The following AKAP13 variants were observed in gnomAD, a reference collection of about 807,000 sequenced individuals.
AKAP13 encodes the protein A-kinase anchoring protein 13, also known as A-kinase anchor protein 13.
AKAP13 carries 80 observed loss-of-function variants against 264.5 expected under a neutral mutation model. The ratio of observed to expected loss-of-function variants is 0.30; its 90% confidence interval spans 0.25 to 0.36. The LOEUF (loss-of-function observed/expected upper bound fraction) is 0.36, where lower values mean the gene tolerates loss of function less well. Among genes scored for constraint, AKAP13 ranks in the 10% least tolerant of loss-of-function variants. The pLI is 1.00. For synonymous variants in AKAP13, 1,380 were observed against 1,250.2 expected, an observed-to-expected ratio of 1.10 and a Z score of -2.19; for missense variants, 3,712 against 3,435.2, an observed-to-expected ratio of 1.08 and a Z score of -2.01.
chr15:85,645,079 C>T (rs2082492660), intron 9 of AKAP13, among the ~76,000 whole-genome samples: 1 of 152,190 alleles, frequency 6.6e-6, no homozygotes, highest in African/African-American at 2.4e-5. Flanking sequence ...GAGATCATGT[C>T]ACCGTAGTAC....
chr15:85,667,827 A>T (rs2083686745), intron 13 of AKAP13, among the ~76,000 whole-genome samples: 1 of 152,194 alleles, frequency 6.6e-6, no homozygotes, highest in East Asian at 1.9e-4. Flanking sequence ...AATATTATTT[A>T]TGTGATACCT....
At chr15:85,721,942 T>C (rs1242253314) in intron 23 of AKAP13, 49 bp from the exon 24 acceptor site, 2 of 1,607,664 alleles carry the variant, frequency 1.2e-6, no homozygotes, top group Non-Finnish European at 8.5e-7. Context: ...AAAATGGTAT[T>C]ATGAGTTTGG....
At chr15:85,401,020 C>A (rs560849397) in intron 1 of AKAP13, among the ~76,000 whole-genome samples, 65 of 152,064 alleles carry the variant, frequency 4.3e-4, no homozygotes, top group African/African-American at 1.5e-3. Flanking sequence ...TGTCACCATG[C>A]CTGGCTTATT....
Position 85,514,671 on chromosome 15 carries a change from A to G in AKAP13, c.34-6757A>G, listed in dbSNP as rs149490605. On this transcript the variant is annotated intron_variant, in intron 2 of 36. Transcript: ENST00000394518. ...CCATGAGTTGCCAAGTTAAAATGCC[A>G]TGACTTTGCCTTTTAGCCTATGGAA... is the stretch of plus-strand genomic sequence containing the variant. Among the ~76,000 whole-genome samples the G allele has an allele frequency of 8.0e-4, 110 of 138,292 alleles. 15 individuals are homozygous for G. Among genetic ancestry groups the G allele is most frequent in the Non-Finnish European group, 9.6e-4 (62 of 64,696 alleles). 90.7% of individuals were successfully genotyped at this position (138,292 alleles called of 152,430 possible). A position where few individuals can be genotyped will look rare whatever the true frequency, so the allele number is the denominator to read the frequency against.
At chr15:85,434,194 C>G (rs1379217621) in intron 1 of AKAP13, among the ~76,000 whole-genome samples, 1 of 152,048 alleles carries the variant, frequency 6.6e-6, no homozygotes, top group Non-Finnish European at 1.5e-5. Flanking sequence ...CTTTCCGAGT[C>G]AAAGAAAGGG....
In AKAP13 at chr15:85,744,669, T is replaced by G. The variant is rs1597256132; in HGVS notation, c.8434T>G (p.Phe2812Val). 5 of 1,609,154 alleles carry G rather than the reference T, an allele frequency of 3.1e-6. No individual in the cohort carries two copies. The highest frequency in any genetic ancestry group is 8.5e-7 in the Non-Finnish European group (1 of 1,177,906). The change falls in exon 37 of 37, where the codon TTC (phenylalanine) becomes GTC (valine). Residue 2812 changes from phenylalanine to valine, a missense_variant. Coordinates refer to ENST00000394518, the MANE Select transcript of AKAP13 (RefSeq NM_007200.5). The part of the protein sequence containing the change: ...SEVSAEGEEI[F>V]C ...AGTATCAGCAGAGGGTGAAGAGATC[T>G]TCTGCTGACCCTCTTCCTCTCTGCT...
At chr15:85,722,693 CTT>C (rs1373398643) in intron 25 of AKAP13, among the ~76,000 whole-genome samples, 1 of 151,844 alleles carries the variant, frequency 6.6e-6, no homozygotes, top group African/African-American at 2.4e-5. Flanking sequence ...GTTTCTCTCT[CTT>C]GGCTAATTCT....
At chr15:85,403,847 CAAA>C (rs11342591) in intron 1 of AKAP13, among the ~76,000 whole-genome samples, 15 of 128,258 alleles carry the variant, frequency 1.2e-4, no homozygotes, top group Admixed American at 1.5e-4. Flanking sequence ...AAACTCCTCT[CAAA>C]AAAAAAAAAA....
In AKAP13 at chr15:85,449,288, A is replaced by G. The variant is rs961009034; in HGVS notation, c.-11-36422A>G. 5.9e-5 allele frequency among the ~76,000 whole-genome samples: 9 copies of G among 152,262 alleles called. No homozygotes were observed. The East Asian group carries it at 1.5e-3, about 26-fold the overall frequency. ...TGTACATTGATTTTTATATCCTGCA[A>G]CTTTGCTGAAGTTGTTTATCAGCTG... On this transcript the variant is annotated intron_variant, in intron 1 of 36. Transcript: ENST00000394518.
At chr15:85,404,587 T>A (rs533386186) in intron 1 of AKAP13, among the ~76,000 whole-genome samples, 2 of 152,360 alleles carry the variant, frequency 1.3e-5, no homozygotes, top group South Asian at 4.1e-4. Flanking sequence ...GAAGGATGTT[T>A]CCTACATAAA....
intron 12 of AKAP13, chr15:85,662,406 T>C (rs751246429): frequency 1.2e-6 from 2 of 1,614,050 alleles, no homozygotes; most frequent in East Asian, 2.2e-5. Flanking sequence ...GGTGCCCCTC[T>C]GGTGTGCAGT....
At chr15:85,567,077 A>G (rs984273524) in intron 5 of AKAP13, among the ~76,000 whole-genome samples, 3 of 152,138 alleles carry the variant, frequency 2.0e-5, no homozygotes, top group African/African-American at 7.2e-5. Flanking sequence ...TGTAACTTTT[A>G]AAATATTTGT....
At position 85,645,947 on chromosome 15, in the gene AKAP13, T is replaced by G; in HGVS notation, c.4367T>G (p.Phe1456Cys). Residue 1456 changes from phenylalanine (F) to cysteine (C), a missense_variant, in exon 10 of 37, where the codon TTC becomes TGC. Physicochemically the swap from Phe to Cys is radical, Grantham distance 205 (BLOSUM62 -2). Transcript: ENST00000394518. ...SPSDDMDSIIFPKPEEEHLAC... is the reference protein window; with the variant it reads ...SPSDDMDSIICPKPEEEHLAC... ...AGTGATGACATGGACAGCATCATCT[T>G]CCCAAAGGTACTGTGTGGACCTTCC... 6.2e-7 allele frequency: 1 copy of G among 1,613,320 alleles called. No individual in the cohort carries two copies. The highest frequency in any genetic ancestry group is 1.1e-5 in the South Asian group (1 of 90,918).
At chr15:85,678,142 A>G (rs914024672) in intron 14 of AKAP13, among the ~76,000 whole-genome samples, 4 of 152,242 alleles carry the variant, frequency 2.6e-5, no homozygotes, top group Admixed American at 6.5e-5. Flanking sequence ...ACAGTCTTCA[A>G]TTGTGCAAGA....
In AKAP13 at chr15:85,533,591, T is replaced by C. The variant is rs775156797; in HGVS notation, c.189T>C (p.Asp63=). The C allele has an allele frequency of 3.7e-6, 6 of 1,607,138 alleles. 1 individual carries two copies. The African/African-American group carries it at 6.7e-5, about 18-fold the overall frequency. ...TGCCTGTGTTTCCTTTAGGTCATGA[T>C]TGTTGTGAAACAGTGAAGGTGCAGC... The part of the protein sequence containing the change: ...DTLETIAPGH[D]CCETVKVQLC... The change falls in exon 4 of 37, where the codon GAT becomes GAC. Residue 63 remains aspartate (D), a synonymous_variant. Coordinates refer to ENST00000394518, the MANE Select transcript of AKAP13 (RefSeq NM_007200.5).
chr15:85,428,625 G>A (rs530711215), intron 1 of AKAP13, among the ~76,000 whole-genome samples: 60 of 152,314 alleles, frequency 3.9e-4, no homozygotes, highest in African/African-American at 1.4e-3. Context: ...ATGATCATTT[G>A]TGGGTTTGTA....
chr15:85,648,266 G>C (rs750628141), intron 10 of AKAP13, among the ~76,000 whole-genome samples: 1 of 149,032 alleles, frequency 6.7e-6, no homozygotes, highest in East Asian at 1.9e-4. Context: ...ATATATGTTT[G>C]AAAATTTTAA....
intron 3 of AKAP13, among the ~76,000 whole-genome samples, chr15:85,525,009 A>C (rs1404069129): frequency 6.6e-6 from 1 of 151,880 alleles, no homozygotes; most frequent in African/African-American, 2.4e-5. Context: ...GTAACATCTT[A>C]GAGGGCAGGT....
At chr15:85,504,577 A>G (rs1207294241) in intron 2 of AKAP13, among the ~76,000 whole-genome samples, 1 of 146,468 alleles carries the variant, frequency 6.8e-6, no homozygotes, top group Non-Finnish European at 1.5e-5. Context: ...TTATAGTCCC[A>G]GCTATTTGGG....
Sources: allele counts gnomAD v4.1 joint callset (sites outside exome capture counted in the v4.1 genomes callset), GRCh38; gene constraint gnomAD v4.1.1; transcripts MANE v1.5; gene names NCBI Gene and HGNC (gene_info 2026-07-23, HGNC 2026-07-21).